BBOF1: variants seen among roughly 807,000 people sequenced by gnomAD.
The protein encoded by BBOF1 is basal body orientation factor 1.
BBOF1 carries 62 observed loss-of-function variants against 68.0 expected under a neutral mutation model. The observed-to-expected ratio is 0.91, with a 90% confidence interval of 0.74 to 1.13. BBOF1 has a LOEUF of 1.13. Ranked by LOEUF, BBOF1 falls within the 50% of genes most tolerant of loss-of-function variation. The pLI is 0.00. For synonymous variants in BBOF1, 208 were observed against 198.8 expected (o/e 1.05, Z -0.39); for missense variants, 534 against 600.1 (o/e 0.89, Z 1.15).
intron 1 of BBOF1, among the ~76,000 whole-genome samples, chr14:74,020,243 ATT>A (rs11287731): frequency 2.1e-3 from 322 of 150,494 alleles, no homozygotes; most frequent in African/African-American, 7.6e-3. Context: ...CTTTTATGGT[ATT>A]TTTTTTTTGT....
At chr14:74,034,278 T>G in intron 4 of BBOF1, 107 bp downstream of exon 4, 1 of 707,584 alleles carries the variant, frequency 1.4e-6, no homozygotes, top group East Asian at 3.3e-5. Flanking sequence ...GAACTCTCTT[T>G]GACATTTTAG....
At chr14:74,036,202 C>T (rs530597562) in intron 4 of BBOF1, among the ~76,000 whole-genome samples, 6 of 152,158 alleles carry the variant, frequency 3.9e-5, no homozygotes, top group South Asian at 4.2e-4. Flanking sequence ...ACTATAGGCG[C>T]ACGCCACCGT....
chr14:74,068,449 A>C (rs1425286413), downstream of BBOF1, among the ~76,000 whole-genome samples: 1 of 151,548 alleles, frequency 6.6e-6, no homozygotes, highest in East Asian at 2.0e-4. Context: ...ATTAAAGAGA[A>C]GACATTCAGG....
Position 74,050,153 on chromosome 14 carries a change from G to C in BBOF1, c.1244G>C (p.Ser415Thr), listed in dbSNP as rs201424718. ...AGAACATTTGATGGCAGAGAGCACA[G>C]CACCAATAGTGTGAATCAGGATCTT... ...KIRTFDGREHSTNSVNQDLLE... is the reference protein window; with the variant it reads ...KIRTFDGREHTTNSVNQDLLE... The change falls in exon 8 of 12, where the codon AGC (serine) becomes ACC (threonine). Residue 415 changes from serine to threonine, a missense_variant. By Grantham distance (58) the Ser-to-Thr change is moderately conservative. Coordinates refer to ENST00000394009, the MANE Select transcript of BBOF1 (RefSeq NM_025057.3). 312 of 1,585,272 alleles carry C rather than the reference G, an allele frequency of 2.0e-4. No homozygotes were observed. Among genetic ancestry groups the C allele is most frequent in the Non-Finnish European group, 2.5e-4 (290 of 1,164,734 alleles).
At chr14:74,067,512 G>A, downstream of BBOF1, 1 of 1,614,176 alleles carries the variant, frequency 6.2e-7, no homozygotes, top group South Asian at 1.1e-5. Flanking sequence ...CCAACCAGCT[G>A]GTTCAGGGTA....
At chr14:74,055,338 G>A (rs758382602) in intron 8 of BBOF1, 3 of 368,658 alleles carry the variant, frequency 8.1e-6, no homozygotes, top group East Asian at 7.1e-5. Flanking sequence ...TAGTAGAGAC[G>A]AGCTTTCATC....
At chr14:74,072,205 A>T (rs1191636061) in intron 9 of BBOF1, 1 of 1,614,194 alleles carries the variant, frequency 6.2e-7, no homozygotes, top group South Asian at 1.1e-5. Context: ...TTTCATACCA[A>T]GTTTTCTTTA....
downstream of BBOF1, chr14:74,066,751 T>C: frequency 6.2e-7 from 1 of 1,614,144 alleles, no homozygotes; most frequent in Non-Finnish European, 8.5e-7. Flanking sequence ...GCCATTTTCA[T>C]AGCCTTTCAC....
downstream of BBOF1, chr14:74,067,503 C>T (rs373688564): frequency 5.8e-5 from 94 of 1,614,208 alleles, no homozygotes; most frequent in Non-Finnish European, 7.4e-5. Context: ...AATGCTGCCC[C>T]AACCAGCTGG....
At position 74,057,160 on chromosome 14, in the gene BBOF1, C is replaced by T. The variant is rs776896070; in HGVS notation, c.1480C>T (p.Gln494Ter). The change falls in exon 11 of 12, where the codon CAA becomes TAA. Residue 494 changes from glutamine to a stop codon, truncating the protein, a stop_gained. Coordinates refer to ENST00000394009, the MANE Select transcript of BBOF1 (RefSeq NM_025057.3). LOFTEE classifies it high-confidence loss of function. ...TTATTGCAGGGATGAAAGTAAGCTT[C>T]AAGATAAAATCTTCATCACCCAGCA... ...TKEFGDESKL[Q>*]DKIFITQQIA... The T allele has an allele frequency of 6.2e-7, 1 of 1,612,222 alleles. No individual in the cohort carries two copies.
intron 1 of BBOF1, among the ~76,000 whole-genome samples, chr14:74,020,187 A>G (rs2059236996): frequency 6.6e-6 from 1 of 152,204 alleles, no homozygotes; most frequent in Non-Finnish European, 1.5e-5. Context: ...CCCAATGTAC[A>G]TACTTATATG....
intron 11 of BBOF1, 54 bp from the exon 12 acceptor site, chr14:74,064,634 A>G: frequency 6.3e-7 from 1 of 1,577,972 alleles, no homozygotes; most frequent in South Asian, 1.1e-5. Context: ...GCTTTGAATT[A>G]TTCAGGAAGA....
In BBOF1 at chr14:74,019,547, C is replaced by T. The variant is rs753025658; in HGVS notation, c.56+13C>T. The T allele has an allele frequency of 1.1e-5, 18 of 1,588,194 alleles. No homozygotes were observed. The highest frequency in any genetic ancestry group is 1.5e-5 in the Non-Finnish European group (18 of 1,167,514). On this transcript the variant is annotated intron_variant, in intron 1 of 11. Transcript: ENST00000394009. ...GCAAAGACACGAAGTAAGGAGAAGC[C>T]ACCCGAGAGTCCCCTCTCCCTGGGC... is the stretch of plus-strand genomic sequence containing the variant.
chr14:74,033,295 C>T (rs555515827), intron 3 of BBOF1, among the ~76,000 whole-genome samples: 9 of 152,138 alleles, frequency 5.9e-5, no homozygotes, highest in East Asian at 5.8e-4. Flanking sequence ...GGACCGGGCG[C>T]GGTGGCTCAT....
At chr14:74,024,551 G>A (rs535311440) in intron 2 of BBOF1, among the ~76,000 whole-genome samples, 4 of 152,180 alleles carry the variant, frequency 2.6e-5, no homozygotes, top group East Asian at 1.9e-4. Context: ...CCACAGGATC[G>A]ACATCCGGGC....
In BBOF1 at chr14:74,036,189, G is replaced by A. The variant is rs565014835; in HGVS notation, c.495+2018G>A. On this transcript the variant is annotated intron_variant, in intron 4 of 11. Coordinates refer to ENST00000394009, the MANE Select transcript of BBOF1 (RefSeq NM_025057.3). ...TGGTGCCTCAGCCTCCCAAGTAGCA[G>A]GGACTATAGGCGCACGCCACCGTGC... Among the ~76,000 whole-genome samples, 11 of 152,132 alleles carry A rather than the reference G, an allele frequency of 7.2e-5. No individual in the cohort carries two copies. In the East Asian group the frequency reaches 1.9e-3, roughly 27 times the overall value.
chr14:74,064,211 G>A (rs1312119019), intron 11 of BBOF1, among the ~76,000 whole-genome samples: 4 of 149,240 alleles, frequency 2.7e-5, no homozygotes, highest in Non-Finnish European at 6.0e-5. Flanking sequence ...GGCAGGAGAA[G>A]TGCTTGAACC....
chr14:74,049,984 G>A lies in BBOF1; in HGVS notation c.1075G>A (p.Val359Met), dbSNP rs1348988168. The A allele has an allele frequency of 1.2e-6, 2 of 1,614,030 alleles. No homozygotes were observed. Among genetic ancestry groups the A allele is most frequent in the African/African-American group, 1.3e-5 (1 of 74,938 alleles). ...AKNILDERTE[V>M]ERFFLDALHQ... ...GAACATACTGGATGAGAGAACAGAA[G>A]TGGAAAGATTCTTTTTAGATGCTCT... Residue 359 changes from valine (V) to methionine (M), a missense_variant, in exon 8 of 12, where the codon GTG (valine) becomes ATG (methionine). Val to Met is a conservative substitution (Grantham distance 21). Coordinates refer to ENST00000394009, the MANE Select transcript of BBOF1 (RefSeq NM_025057.3).
At chr14:74,038,474 T>G (rs1411952011) in intron 4 of BBOF1, among the ~76,000 whole-genome samples, 1 of 152,126 alleles carries the variant, frequency 6.6e-6, no homozygotes, top group Non-Finnish European at 1.5e-5. Context: ...AGTGGGCCTT[T>G]GAGGAAGACT....
Sources: gnomAD v4.1 joint callset for allele counts (sites outside exome capture counted in the v4.1 genomes callset) on GRCh38, gnomAD v4.1.1 for gene constraint, MANE v1.5 for transcripts, NCBI Gene and HGNC (gene_info 2026-07-23, HGNC 2026-07-21) for gene names.